SLC35B3: variants seen among roughly 807,000 people sequenced by gnomAD.
SLC35B3 encodes solute carrier family 35 member B3, also known as adenosine 3'-phospho 5'-phosphosulfate transporter 2.
In SLC35B3, 35 loss-of-function variants were observed where a neutral mutation model predicts 44.1. That is an observed-to-expected ratio of 0.79 (90% CI 0.61 to 1.05). The LOEUF (loss-of-function observed/expected upper bound fraction) is 1.05. SLC35B3 is among the 50% of genes least tolerant of loss of function. SLC35B3 has a pLI of 0.00. For synonymous variants in SLC35B3, 146 were observed against 167.3 expected, an observed-to-expected ratio of 0.87 and a Z score of 0.98; for missense variants, 414 against 476.4, an observed-to-expected ratio of 0.87 and a Z score of 1.22.
Position 8,433,901 on chromosome 6 carries a change from T to TA in SLC35B3, c.3+483dup, listed in dbSNP as rs3032674. On this transcript the variant is annotated intron_variant, in intron 2 of 10. Transcript: ENST00000644923. The surrounding 1 kb of genome is among the most constrained non-coding windows in gnomAD (Gnocchi z 4.1). ...TTAATGACTGATACTAACCATCATC[T>TA]AAAAAAAAAAATGGGCCAAACTCCT... Among the ~76,000 whole-genome samples the TA allele has an allele frequency of 0.44, 65,111 of 147,338 alleles. 14,599 individuals carry two copies. The highest frequency in any genetic ancestry group is 0.57 in the African/African-American group (22,934 of 40,154).
chr6:8,434,384 C>T lies in SLC35B3; in HGVS notation c.3+1G>A. 6.2e-7 allele frequency: 1 copy of T among 1,612,608 alleles called. No individual in the cohort carries two copies. Among genetic ancestry groups the T allele is most frequent in the Non-Finnish European group, 8.5e-7 (1 of 1,179,024 alleles). On this transcript the variant is annotated splice_donor_variant, in intron 2 of 10. Transcript: ENST00000644923. LOFTEE classifies it high-confidence loss of function. The surrounding 1 kb of genome is among the most constrained non-coding windows in gnomAD (Gnocchi z 6.3). ...CAACGTTACAAATAAAAGAATCTTA[C>T]CATGCCATTATGCCTTGATTAACTG...
intron 9 of SLC35B3, among the ~76,000 whole-genome samples, chr6:8,415,274 A>C (rs1762315684): frequency 1.3e-5 from 2 of 152,230 alleles, no homozygotes; most frequent in Admixed American, 1.3e-4. Flanking sequence ...CCACAGTTTA[A>C]GTCTTAGAGA....
At chr6:8,427,285 T>A (rs982783950) in intron 4 of SLC35B3, among the ~76,000 whole-genome samples, 3 of 152,058 alleles carry the variant, frequency 2.0e-5, no homozygotes, top group African/African-American at 7.2e-5. Flanking sequence ...ATGTCATGGG[T>A]CTTCATGGCA....
At position 8,427,946 on chromosome 6, in the gene SLC35B3, T is replaced by C. The variant is rs141256356; in HGVS notation, c.410A>G (p.Lys137Arg). The C allele has an allele frequency of 5.6e-4, 904 of 1,611,882 alleles. 1 individual carries two copies. In the Middle Eastern group the frequency reaches 5.8e-3, roughly 10 times the overall value. ...AAAACAAACCACATACCTCCTCCTT[T>C]TGTCCTGAATAAGCTGAAGTTCTAT... The change falls in exon 4 of 11, where the codon AAA becomes AGA. Residue 137 changes from lysine (K) to arginine (R), a missense_variant. Physicochemically the swap from Lys to Arg is conservative, Grantham distance 26. Transcript: ENST00000644923.
At chr6:8,430,492 T>C (rs6905313) in intron 2 of SLC35B3, among the ~76,000 whole-genome samples, 4,758 of 152,268 alleles carry the variant, frequency 0.031, 261 homozygotes, top group African/African-American at 0.11. Flanking sequence ...TTAAAGTCAA[T>C]CTTCACTTGT....
intron 3 of SLC35B3, among the ~76,000 whole-genome samples, chr6:8,428,529 A>G (rs1763657522): frequency 6.6e-6 from 1 of 152,196 alleles, no homozygotes; most frequent in Non-Finnish European, 1.5e-5. Flanking sequence ...ATTATAAGTA[A>G]TAGTAGCAAT....
In SLC35B3 at chr6:8,420,671, T is replaced by A. The variant is rs771808958; in HGVS notation, c.682+50A>T. ...GCTTACAAAATATTCGAAATTCGTA[T>A]TCTAAACTAAAAAGCCTATAAAAGC... is the stretch of plus-strand genomic sequence containing the variant. On this transcript the variant is annotated intron_variant, in intron 6 of 10. Coordinates refer to ENST00000644923, the MANE Select transcript of SLC35B3 (RefSeq NM_001370476.2). This position sits in a 1 kb window ranked among gnomAD's most constrained non-coding sequence, Gnocchi z 4.4. 7.7e-5 allele frequency: 106 copies of A among 1,367,840 alleles called. No homozygotes were observed. Among genetic ancestry groups the A allele is most frequent in the Non-Finnish European group, 1.0e-4 (102 of 977,786 alleles). The allele number at this position is 1,367,840 out of a possible 1,614,324, so 84.7% of individuals were successfully genotyped here. A position where few individuals can be genotyped will look rare whatever the true frequency, so the allele number is the denominator to read the frequency against.
chr6:8,413,698 A>C lies in SLC35B3; in HGVS notation c.1057T>G (p.Tyr353Asp). The change falls in exon 11 of 11, where the codon TAT (tyrosine) becomes GAT (aspartate). Residue 353 changes from tyrosine (Y) to aspartate (D), a missense_variant and splice_region_variant. Coordinates refer to ENST00000644923, the MANE Select transcript of SLC35B3 (RefSeq NM_001370476.2). Reference sequence around the variant, plus strand: ...ACAACTAACAAACCAGACCATACATACCTAAGAGAAAGAAATAAGGAAAAA... The same window carrying C: ...ACAACTAACAAACCAGACCATACATCCCTAAGAGAAAGAAATAAGGAAAAA... 1 of 1,504,842 alleles carries C rather than the reference A, an allele frequency of 6.6e-7. No individual in the cohort carries two copies. The highest frequency in any genetic ancestry group is 1.2e-5 in the South Asian group (1 of 80,610). The allele number at this position is 1,504,842 out of a possible 1,614,324, so 93.2% of individuals were successfully genotyped here. A position where few individuals can be genotyped will look rare whatever the true frequency, so the allele number is the denominator to read the frequency against.
At chr6:8,414,135 A>C (rs990395038) in intron 10 of SLC35B3, among the ~76,000 whole-genome samples, 1 of 152,180 alleles carries the variant, frequency 6.6e-6, no homozygotes. Flanking sequence ...CTGAGAAAGT[A>C]GGGGAATCAT....
chr6:8,415,051 A>G (rs1246650374), intron 9 of SLC35B3, 74 bp from the exon 9 acceptor site: 4 of 1,010,292 alleles, frequency 4.0e-6, no homozygotes, highest in Non-Finnish European at 6.1e-6. Flanking sequence ...TATTCAGCAA[A>G]TATTTAGACC....
chr6:8,425,261 A>C (rs1763309233), intron 4 of SLC35B3, among the ~76,000 whole-genome samples: 1 of 152,188 alleles, frequency 6.6e-6, no homozygotes, highest in Non-Finnish European at 1.5e-5. Context: ...AGATAGTATT[A>C]GTGTCTTTTA....
intron 8 of SLC35B3, 79 bp downstream of exon 7, chr6:8,417,323 T>C: frequency 1.1e-6 from 1 of 901,878 alleles, no homozygotes; most frequent in Non-Finnish European, 1.7e-6. Flanking sequence ...TGATAGCCTC[T>C]TTTGAACAAG....
chr6:8,427,811 A>G (rs552621043), intron 4 of SLC35B3, 126 bp downstream of exon 3: 2 of 690,478 alleles, frequency 2.9e-6, no homozygotes, highest in South Asian at 4.8e-5. Flanking sequence ...GTATTAAGTT[A>G]GTTACACTAA....
chr6:8,430,252 T>A (rs1763840613), intron 2 of SLC35B3, 95 bp from the exon 2 acceptor site: 1 of 1,122,622 alleles, frequency 8.9e-7, no homozygotes, highest in Admixed American at 2.9e-5. Flanking sequence ...TACAAATGTC[T>A]GCTTCTCTCT....
intron 3 of SLC35B3, among the ~76,000 whole-genome samples, chr6:8,428,989 T>G (rs1763703398): frequency 6.6e-6 from 1 of 152,184 alleles, no homozygotes; most frequent in Non-Finnish European, 1.5e-5. Flanking sequence ...CCCTTGATGA[T>G]CATCTCTACA....
chr6:8,413,966 C>G (rs1322910298), intron 10 of SLC35B3, among the ~76,000 whole-genome samples: 1 of 152,006 alleles, frequency 6.6e-6, no homozygotes, highest in African/African-American at 2.4e-5. Context: ...TTGGGGATAA[C>G]AGTATATTCA....
chr6:8,427,748 AC>A, intron 4 of SLC35B3, 188 bp downstream of exon 3: 1 of 427,032 alleles, frequency 2.3e-6, no homozygotes, highest in South Asian at 4.6e-5. Flanking sequence ...ATTTTGTAAT[AC>A]TGCATTTAAG....
chr6:8,426,691 TAAC>T (rs915322767), intron 4 of SLC35B3, among the ~76,000 whole-genome samples: 4 of 152,110 alleles, frequency 2.6e-5, no homozygotes, highest in African/African-American at 9.7e-5. Context: ...AACGGACTAA[TAAC>T]AGTAAATTGG....
Position 8,420,500 on chromosome 6 carries a change from G to A in SLC35B3, c.682+221C>T, listed in dbSNP as rs1762796747. ...AAATCTGAGTCAACACTTCATTCCT[G>A]AGAAGCATCAAAATGCATGCACACT... On this transcript the variant is annotated intron_variant, in intron 6 of 10. Transcript: ENST00000644923. This position sits in a 1 kb window ranked among gnomAD's most constrained non-coding sequence, Gnocchi z 4.4. 6.6e-6 allele frequency among the ~76,000 whole-genome samples: 1 copy of A among 152,150 alleles called. No homozygotes were observed. The highest frequency in any genetic ancestry group is 2.1e-4 in the South Asian group (1 of 4,818).
Sources: gnomAD v4.1 joint callset for allele counts (sites outside exome capture counted in the v4.1 genomes callset) on GRCh38, gnomAD v4.1.1 for gene constraint, Gnocchi (gnomAD v3.1) non-coding constraint, MANE v1.5 for transcripts, NCBI Gene and HGNC (gene_info 2026-07-23, HGNC 2026-07-21) for gene names.